Variants in SLC39A2 observed in about 807,000 individuals in gnomAD.
SLC39A2 encodes the protein zinc transporter ZIP2.
SLC39A2 carries 14 observed loss-of-function variants against 18.0 expected under a neutral mutation model. That is an observed-to-expected ratio of 0.78 (90% confidence interval 0.51 to 1.22). The LOEUF (loss-of-function observed/expected upper bound fraction) is 1.22, where lower values mean the gene tolerates loss of function less well. SLC39A2 is among the 50% of genes most tolerant of loss of function. The pLI, the probability that SLC39A2 is intolerant of heterozygous loss-of-function variation, is 0.00. For missense variants in SLC39A2, 375 were observed against 370.6 expected (o/e 1.01, Z -0.10); for synonymous variants, 152 against 153.1 (o/e 0.99, Z 0.05).
chr14:20,999,748 A>C lies in SLC39A2; in HGVS notation c.122A>C (p.His41Pro). 6.2e-7 allele frequency: 1 copy of C among 1,613,870 alleles called. No homozygotes were observed. Among genetic ancestry groups the C allele is most frequent in the Non-Finnish European group, 8.5e-7 (1 of 1,179,972 alleles). The change falls in exon 2 of 4, where the codon CAC (histidine) becomes CCC (proline). Residue 41 changes from histidine to proline, a missense_variant. Physicochemically the swap from His to Pro is moderately conservative, Grantham distance 77. Transcript: ENST00000298681. ...AACTTCTGCTTTTTATTAGGTCATC[A>C]CCGGCTAGTCCTCAGACTCCTGGGC... ...WFQIDAARGH[H>P]RLVLRLLGCI...
At position 21,001,192 on chromosome 14, in the gene SLC39A2, A is replaced by C. The variant is rs1880616558; in HGVS notation, c.543A>C (p.Leu181=). The C allele has an allele frequency of 5.0e-6, 8 of 1,614,038 alleles. No individual in the cohort carries two copies. Among genetic ancestry groups the C allele is most frequent in the Non-Finnish European group, 6.8e-6 (8 of 1,180,016 alleles). The stretch of plus-strand genomic sequence containing the variant: ...CCTTTCACTCAGTGTTTGAAGGGCT[A>C]GCTGTGGGGCTGCAGCCGACAGTAG... ...SLSFHSVFEG[L]AVGLQPTVAA... is the part of the protein sequence containing the mutation. The change falls in exon 4 of 4, where the codon CTA becomes CTC. Residue 181 remains leucine, a synonymous_variant. Transcript: ENST00000298681.
chr14:21,001,736 C>A lies in SLC39A2; in HGVS notation c.*157C>A. ...CCCAGGTTTCCTTTACATGAGATCCCATTTCTCACCCTGGACTAAGACAAA... is the reference window on the plus strand; with the variant it reads ...CCCAGGTTTCCTTTACATGAGATCCAATTTCTCACCCTGGACTAAGACAAA... On this transcript the variant is annotated 3_prime_UTR_variant, in exon 4 of 4. Coordinates refer to ENST00000298681, the MANE Select transcript of SLC39A2 (RefSeq NM_014579.4). The A allele has an allele frequency of 1.8e-6, 1 of 559,964 alleles. No homozygotes were observed. The allele number at this position is 559,964 out of a possible 1,614,324, so 34.7% of individuals were successfully genotyped here. A position where few individuals can be genotyped will look rare whatever the true frequency, so the allele number is the denominator to read the frequency against.
chr14:20,999,611 C>CT (rs1233652232), intron 1 of SLC39A2, 50 bp downstream of exon 1: 1 of 1,580,636 alleles, frequency 6.3e-7, no homozygotes, highest in East Asian at 2.2e-5. Context: ...CACCTCAACC[C>CT]TGTCCTGATA....
intron 3 of SLC39A2, among the ~76,000 whole-genome samples, chr14:21,000,540 C>T (rs958361191): frequency 2.6e-5 from 4 of 152,160 alleles, no homozygotes; most frequent in African/African-American, 7.2e-5. Context: ...GGCACAATCT[C>T]GGCTCACTGC....
chr14:21,000,601 A>G (rs919172525), intron 3 of SLC39A2, among the ~76,000 whole-genome samples: 1 of 152,114 alleles, frequency 6.6e-6, no homozygotes, highest in South Asian at 2.1e-4. Context: ...CCTCCTGAGT[A>G]GCTGGGATTA....
intron 3 of SLC39A2, 115 bp from the exon 4 acceptor site, chr14:21,000,832 T>A: frequency 2.2e-6 from 2 of 904,278 alleles, no homozygotes; most frequent in Non-Finnish European, 3.2e-6. Flanking sequence ...TCCCCTACCC[T>A]TTTTTGTGTT....
chr14:21,000,413 A>G (rs1880573221), intron 3 of SLC39A2, among the ~76,000 whole-genome samples: 1 of 152,168 alleles, frequency 6.6e-6, no homozygotes. Context: ...TCATTTGCCC[A>G]TGTTTTTAAC....
chr14:21,001,807 C>T lies in SLC39A2; in HGVS notation c.*228C>T, dbSNP rs1448757652. The stretch of plus-strand genomic sequence containing the variant: ...ATTAATTGGAGAATTGGTACAGAGA[C>T]GCTCCAGATTTTATTCTTATCCCAT... On this transcript the variant is annotated 3_prime_UTR_variant, in exon 4 of 4. Coordinates refer to ENST00000298681, the MANE Select transcript of SLC39A2 (RefSeq NM_014579.4). 7 of 403,042 alleles carry T rather than the reference C, an allele frequency of 1.7e-5. No homozygotes were observed. The highest frequency in any genetic ancestry group is 2.0e-4 in the South Asian group (2 of 9,884). The allele number at this position is 403,042 out of a possible 1,614,324, so 25.0% of individuals were successfully genotyped here.
Position 21,000,489 on chromosome 14 carries a change from G to A in SLC39A2, c.297+323G>A, listed in dbSNP as rs1281396494. On this transcript the variant is annotated intron_variant, in intron 3 of 3. Coordinates refer to ENST00000298681, the MANE Select transcript of SLC39A2 (RefSeq NM_014579.4). Reference sequence around the variant, plus strand: ...TGTTGTTGTTGTTTTTCGTTTGTTTGTTGAGATGAAATCTCTCTGTCGCCC... The same window carrying A: ...TGTTGTTGTTGTTTTTCGTTTGTTTATTGAGATGAAATCTCTCTGTCGCCC... 3.3e-5 allele frequency among the ~76,000 whole-genome samples: 5 copies of A among 152,072 alleles called. No homozygotes were observed. In the East Asian group the frequency reaches 9.6e-4, roughly 29 times the overall value.
chr14:21,001,140 G>A lies in SLC39A2; in HGVS notation c.491G>A (p.Arg164Gln), dbSNP rs138590006. 76 of 1,614,124 alleles carry A rather than the reference G, an allele frequency of 4.7e-5. No individual in the cohort carries two copies. In the East Asian group the frequency reaches 1.2e-3, roughly 26 times the overall value. ...CCCTCACCCTCAAAGGGTCCCCTCC[G>A]AGCCCTTGTCCTCTTGCTGTCACTC... ...HLPSPSKGPL[R>Q]ALVLLLSLSF... Residue 164 changes from arginine (R) to glutamine (Q), a missense_variant, in exon 4 of 4, where the codon CGA (arginine) becomes CAA (glutamine). Arg to Gln is a conservative substitution (Grantham distance 43). Coordinates refer to ENST00000298681, the MANE Select transcript of SLC39A2 (RefSeq NM_014579.4).
Position 20,999,782 on chromosome 14 carries a change from TG to T in SLC39A2, c.157del (p.Ala53LeufsTer12), listed in dbSNP as rs751547187. On this transcript the variant is annotated frameshift_variant, in exon 2 of 4. Coordinates refer to ENST00000298681, the MANE Select transcript of SLC39A2 (RefSeq NM_014579.4). LOFTEE classifies it high-confidence loss of function. ...LVLRLLGCISAGVFLGAGFMH... is the reference protein window; with the variant it reads ...LVLRLLGCISXGVFLGAGFMH... Reference sequence around the variant, plus strand: ...TCCTCAGACTCCTGGGCTGTATTTCTGCTGGTGTTTTCCTGGGAGCAGGGTT... The same window carrying T: ...TCCTCAGACTCCTGGGCTGTATTTCTCTGGTGTTTTCCTGGGAGCAGGGTT... The T allele has an allele frequency of 1.1e-4, 175 of 1,614,222 alleles. 2 individuals are homozygous for T. In the South Asian group the frequency reaches 1.8e-3, roughly 17 times the overall value.
chr14:20,999,403 C>G lies in SLC39A2; in HGVS notation c.-44C>G. The G allele has an allele frequency of 2.1e-6, 3 of 1,435,740 alleles. No homozygotes were observed. Among genetic ancestry groups the G allele is most frequent in the Non-Finnish European group, 2.9e-6 (3 of 1,017,980 alleles). 88.9% of individuals were successfully genotyped at this position (1,435,740 alleles called of 1,614,324 possible). A position where few individuals can be genotyped will look rare whatever the true frequency, so the allele number is the denominator to read the frequency against. On this transcript the variant is annotated 5_prime_UTR_variant, in exon 1 of 4. Transcript: ENST00000298681. ...ACCACTCCTGCTCCAAAGATTACAG[C>G]TCCCTTGTCATTCTGACTCCTGGGC...
chr14:21,000,354 C>T (rs1323172431), intron 3 of SLC39A2, among the ~76,000 whole-genome samples, 188 bp downstream of exon 3: 1 of 152,174 alleles, frequency 6.6e-6, no homozygotes, highest in Non-Finnish European at 1.5e-5. Context: ...AGGGAAAGCC[C>T]TTGTTTTACT....
At position 21,000,115 on chromosome 14, in the gene SLC39A2, G is replaced by A. The variant is rs1880561112; in HGVS notation, c.247-1G>A. The A allele has an allele frequency of 6.2e-7, 1 of 1,612,380 alleles. No homozygotes were observed. Among genetic ancestry groups the A allele is most frequent in the Admixed American group, 1.7e-5 (1 of 59,832 alleles). Reference sequence around the variant, plus strand: ...TCTAATTTCTGCTGCTTTCTTCTTAGAACAGATCAGCAAGTGAGAGAAATT... The same window carrying A: ...TCTAATTTCTGCTGCTTTCTTCTTAAAACAGATCAGCAAGTGAGAGAAATT... On this transcript the variant is annotated splice_acceptor_variant, in intron 2 of 3. Coordinates refer to ENST00000298681, the MANE Select transcript of SLC39A2 (RefSeq NM_014579.4). LOFTEE classifies it high-confidence loss of function.
Position 21,001,095 on chromosome 14 carries a change from T to C in SLC39A2, c.446T>C (p.Leu149Pro), listed in dbSNP as rs745324986. Residue 149 changes from leucine to proline, a missense_variant, in exon 4 of 4, where the codon CTC (leucine) becomes CCC (proline). By Grantham distance (98) the Leu-to-Pro change is moderately conservative. Coordinates refer to ENST00000298681, the MANE Select transcript of SLC39A2 (RefSeq NM_014579.4). ...TGGGGTGGGGCTCATATCTTCGAAC[T>C]CCACAGCCATGGACATTTACCCTCA... ...EEWGGAHIFE[L>P]HSHGHLPSPS... 6.2e-7 allele frequency: 1 copy of C among 1,613,152 alleles called. No homozygotes were observed. Among genetic ancestry groups the C allele is most frequent in the Non-Finnish European group, 8.5e-7 (1 of 1,179,424 alleles).
At chr14:20,999,976 G>A (rs981077673) in intron 2 of SLC39A2, 104 bp downstream of exon 2, 7 of 1,517,508 alleles carry the variant, frequency 4.6e-6, no homozygotes, top group Admixed American at 3.6e-5. Flanking sequence ...TGGGTGGAAC[G>A]ACAAGGAAAA....
chr14:21,000,808 C>T (rs1002669331), intron 3 of SLC39A2, 139 bp from the exon 4 acceptor site: 2 of 700,470 alleles, frequency 2.9e-6, no homozygotes, highest in Non-Finnish European at 4.5e-6. Context: ...GCCATGTCTA[C>T]TCTTGGCTTC....
At position 21,001,466 on chromosome 14, in the gene SLC39A2, A is replaced by C. The variant is rs1880629724; in HGVS notation, c.817A>C (p.Thr273Pro). 5.6e-6 allele frequency: 9 copies of C among 1,613,674 alleles called. No homozygotes were observed. The South Asian group carries it at 9.9e-5, about 18-fold the overall frequency. Residue 273 changes from threonine (T) to proline (P), a missense_variant, in exon 4 of 4, where the codon ACC (threonine) becomes CCC (proline). Physicochemically the swap from Thr to Pro is conservative, Grantham distance 38. Transcript: ENST00000298681. ...GGCAGCTGGTACCTTCCTGTATGTC[A>C]CCTTCCTAGAAATTCTTCCACGGGA... ...GVAAGTFLYV[T>P]FLEILPRELA... is the part of the protein sequence containing the mutation.
intron 2 of SLC39A2, 57 bp downstream of exon 2, chr14:20,999,929 A>C (rs572880496): frequency 1.2e-6 from 2 of 1,604,926 alleles, no homozygotes; most frequent in African/African-American, 2.7e-5. Context: ...AAACAGGACA[A>C]AGGGAAGAGA....
Sources: gnomAD v4.1 joint callset for allele counts (sites outside exome capture counted in the v4.1 genomes callset) on GRCh38, gnomAD v4.1.1 for gene constraint, MANE v1.5 for transcripts, NCBI Gene and HGNC (gene_info 2026-07-23, HGNC 2026-07-21) for gene names.